The following DPF3 variants were observed in gnomAD, a reference collection of about 807,000 sequenced individuals.
The protein encoded by DPF3 is zinc finger protein DPF3.
A neutral mutation model predicts 56.8 loss-of-function variants in DPF3; 18 were observed. The observed-to-expected ratio is 0.32, with a 90% CI of 0.22 to 0.47. The LOEUF is 0.47. Ranked by LOEUF, DPF3 falls within the 20% of genes least tolerant of loss-of-function variation. DPF3 has a pLI of 1.00. For synonymous variants in DPF3, 188 were observed against 180.2 expected (o/e 1.04, Z -0.35); for missense variants, 403 against 488.8 (o/e 0.82, Z 1.65).
intron 6 of DPF3, among the ~76,000 whole-genome samples, chr14:72,707,457 C>T (rs532612174): frequency 4.6e-5 from 7 of 152,296 alleles, no homozygotes; most frequent in African/African-American, 1.7e-4. Context: ...TAATAGTAAA[C>T]AGATATTAGA....
At chr14:72,620,779 C>A (rs1396006888) in intron 9 of DPF3, among the ~76,000 whole-genome samples, 1 of 152,214 alleles carries the variant, frequency 6.6e-6, no homozygotes, top group African/African-American at 2.4e-5. Flanking sequence ...GGTACTTTCC[C>A]TTTCTGTGAC....
chr14:72,657,337 T>C (rs1018241670), intron 8 of DPF3, among the ~76,000 whole-genome samples: 7 of 152,196 alleles, frequency 4.6e-5, no homozygotes, highest in African/African-American at 1.7e-4. Flanking sequence ...AGATGAATAA[T>C]ATTAGTCATG....
chr14:72,733,277 A>G (rs1273767612), intron 3 of DPF3, among the ~76,000 whole-genome samples: 1 of 152,208 alleles, frequency 6.6e-6, no homozygotes, highest in Admixed American at 6.5e-5. Flanking sequence ...GTGGTGTCCC[A>G]GAAAACAGGA....
chr14:72,743,327 G>A (rs753065348), intron 3 of DPF3, among the ~76,000 whole-genome samples: 20 of 152,066 alleles, frequency 1.3e-4, no homozygotes, highest in Non-Finnish European at 2.4e-4. Flanking sequence ...TGAGTGTGTC[G>A]GGCCTTCAAG....
chr14:72,894,097 A>G lies in DPF3; in HGVS notation c.-9T>C, dbSNP rs1239033905. 1 of 1,492,906 alleles carries G rather than the reference A, an allele frequency of 6.7e-7. No individual in the cohort carries two copies. The allele number at this position is 1,492,906 out of a possible 1,614,324, so 92.5% of individuals were successfully genotyped here. ...TGAATGACAGTCGCCATTTTGCTAC[A>G]ATGTAACAGAATATTGTCTCAGAGT... On this transcript the variant is annotated 5_prime_UTR_variant, in exon 1 of 11. Transcript: ENST00000556509.
intron 1 of DPF3, among the ~76,000 whole-genome samples, chr14:72,837,311 G>T (rs1429854330): frequency 6.6e-6 from 1 of 152,218 alleles, no homozygotes; most frequent in Non-Finnish European, 1.5e-5. Context: ...TCTCCAGCAG[G>T]TGTATCTTGA....
chr14:72,639,867 TAGAG>T (rs986077778), intron 8 of DPF3, among the ~76,000 whole-genome samples: 1 of 151,684 alleles, frequency 6.6e-6, no homozygotes, highest in Non-Finnish European at 1.5e-5. Context: ...CTATTATATA[TAGAG>T]AGAGAGACTC....
At chr14:72,646,572 T>C (rs968865752) in intron 8 of DPF3, among the ~76,000 whole-genome samples, 6 of 146,906 alleles carry the variant, frequency 4.1e-5, no homozygotes, top group Non-Finnish European at 7.7e-5. Flanking sequence ...TCAGATTCCC[T>C]TGTTTAAGTT....
At chr14:72,811,272 G>C (rs1035146609) in intron 1 of DPF3, among the ~76,000 whole-genome samples, 1 of 152,204 alleles carries the variant, frequency 6.6e-6, no homozygotes, top group African/African-American at 2.4e-5. Context: ...CATGAGCTTT[G>C]CAGGGGACAA....
chr14:72,659,134 T>A (rs1400754849), intron 8 of DPF3, among the ~76,000 whole-genome samples: 1 of 152,118 alleles, frequency 6.6e-6, no homozygotes, highest in East Asian at 1.9e-4. Context: ...TCCTGTTGTC[T>A]CCCTGTGACC....
At chr14:72,838,773 A>G (rs1248401344) in intron 1 of DPF3, among the ~76,000 whole-genome samples, 1 of 150,920 alleles carries the variant, frequency 6.6e-6, no homozygotes, top group Non-Finnish European at 1.5e-5. Context: ...AAAAAAGGCA[A>G]TTACTGTTGG....
chr14:72,674,052 G>T (rs989891760), intron 8 of DPF3, 188 bp downstream of exon 8: 1 of 833,542 alleles, frequency 1.2e-6, no homozygotes, highest in Non-Finnish European at 1.7e-6. Context: ...CCGGATCCTA[G>T]GGCATAACTT....
chr14:72,669,495 T>C (rs575652014), intron 8 of DPF3, among the ~76,000 whole-genome samples: 1 of 152,260 alleles, frequency 6.6e-6, no homozygotes, highest in African/African-American at 2.4e-5. Context: ...GGTTTTGAAA[T>C]TGGTACCGAG....
chr14:72,858,218 C>T (rs956386458), intron 1 of DPF3, among the ~76,000 whole-genome samples: 5 of 149,812 alleles, frequency 3.3e-5, no homozygotes, highest in East Asian at 2.0e-4. Context: ...TAAGGTGGGA[C>T]GATTGCTTGA....
At chr14:72,650,946 A>G (rs1383111634) in intron 8 of DPF3, among the ~76,000 whole-genome samples, 1 of 152,234 alleles carries the variant, frequency 6.6e-6, no homozygotes, top group Non-Finnish European at 1.5e-5. Flanking sequence ...GTTAAAATGC[A>G]AACAACTTTC....
intron 7 of DPF3, among the ~76,000 whole-genome samples, chr14:72,688,518 T>C (rs1266792899): frequency 4.0e-5 from 6 of 148,956 alleles, no homozygotes; most frequent in African/African-American, 1.6e-4. Context: ...GAGTTTAACA[T>C]CACAAGCCTA....
At chr14:72,712,239 C>T (rs1305134217) in intron 6 of DPF3, among the ~76,000 whole-genome samples, 1 of 152,158 alleles carries the variant, frequency 6.6e-6, no homozygotes, top group Non-Finnish European at 1.5e-5. Flanking sequence ...TCGAGAGAAG[C>T]AAACGTCACT....
At chr14:72,727,865 T>G (rs1196241834) in intron 4 of DPF3, among the ~76,000 whole-genome samples, 1 of 152,230 alleles carries the variant, frequency 6.6e-6, no homozygotes, top group Non-Finnish European at 1.5e-5. Context: ...TGTATTTTAA[T>G]AATGCAAAGT....
At chr14:72,653,966 A>G (rs183501150) in intron 8 of DPF3, among the ~76,000 whole-genome samples, 96 of 152,334 alleles carry the variant, frequency 6.3e-4, no homozygotes, top group Admixed American at 1.2e-3. Context: ...CATAAGGTCT[A>G]GGATCCTATA....
Sources: allele counts gnomAD v4.1 joint callset (sites outside exome capture counted in the v4.1 genomes callset), GRCh38; gene constraint gnomAD v4.1.1; transcripts MANE v1.5; gene names NCBI Gene and HGNC (gene_info 2026-07-23, HGNC 2026-07-21).